Variants in ZCCHC4 observed in about 807,000 individuals in gnomAD.
The protein encoded by ZCCHC4 is zinc finger CCHC-type containing 4, also known as rRNA N(6)-adenosine-methyltransferase ZCCHC4.
Under a neutral mutation model 67.7 loss-of-function variants are expected in ZCCHC4, and 54 were observed. That is an observed-to-expected ratio of 0.80 (90% CI 0.64 to 1.00). The LOEUF is 1.00. Among genes scored for constraint, ZCCHC4 ranks in the 50% least tolerant of loss-of-function variants. The pLI, the probability that ZCCHC4 is intolerant of heterozygous loss-of-function variation, is 0.00. For missense variants in ZCCHC4, 609 were observed against 617.0 expected (o/e 0.99, Z 0.14); for synonymous variants, 198 against 213.5 (o/e 0.93, Z 0.63).
intron 3 of ZCCHC4, among the ~76,000 whole-genome samples, chr4:25,315,635 G>C (rs1337166141): frequency 6.6e-6 from 1 of 151,536 alleles, no homozygotes; most frequent in Non-Finnish European, 1.5e-5. Flanking sequence ...ACTCCAAACA[G>C]AAACTGCCAC....
At chr4:25,325,497 C>T (rs960508068) in intron 3 of ZCCHC4, among the ~76,000 whole-genome samples, 1 of 152,010 alleles carries the variant, frequency 6.6e-6, no homozygotes, top group Non-Finnish European at 1.5e-5. Flanking sequence ...CTCCTGACTT[C>T]AAGGGCTCTG....
At chr4:25,358,054 G>A (rs62409202) in intron 8 of ZCCHC4, among the ~76,000 whole-genome samples, 3,107 of 152,342 alleles carry the variant, frequency 0.02, 44 homozygotes, top group Non-Finnish European at 0.03. Context: ...GAGAATGCTT[G>A]TGGATAATAG....
chr4:25,346,108 A>G (rs1024348777), intron 6 of ZCCHC4, among the ~76,000 whole-genome samples: 1 of 152,164 alleles, frequency 6.6e-6, no homozygotes, highest in African/African-American at 2.4e-5. Flanking sequence ...CAAAGGGTCA[A>G]GTTTTCCTTT....
rs4536913 is a variant in ZCCHC4, at chr4:25,340,486, G to A, written c.687-5062G>A. Among the ~76,000 whole-genome samples the A allele has an allele frequency of 8.3e-3, 1,259 of 151,996 alleles. 22 individuals are homozygous for A. The highest frequency in any genetic ancestry group is 0.027 in the African/African-American group (1,139 of 41,448). ...GTTTTGGCTGTTCTGGGTGTCTTGC[G>A]TTTCCATATGAATGTTAGGATCAGC... On this transcript the variant is annotated intron_variant, in intron 5 of 12. Transcript: ENST00000302874.
At chr4:25,343,886 TCA>T (rs1303313661) in intron 5 of ZCCHC4, among the ~76,000 whole-genome samples, 2 of 152,198 alleles carry the variant, frequency 1.3e-5, no homozygotes, top group Non-Finnish European at 2.9e-5. Flanking sequence ...AGGATGTGTC[TCA>T]GATTTTTTTT....
At chr4:25,367,055 A>G (rs1449026334) in intron 12 of ZCCHC4, among the ~76,000 whole-genome samples, 1 of 152,060 alleles carries the variant, frequency 6.6e-6, no homozygotes, top group African/African-American at 2.4e-5. Context: ...AAGCAAAATT[A>G]TTTTTTTCTT....
At chr4:25,313,976 G>C in intron 1 of ZCCHC4, 70 bp from the exon 2 acceptor site, 1 of 967,026 alleles carries the variant, frequency 1.0e-6, no homozygotes, top group East Asian at 2.4e-5. Context: ...TAAGGGCAGC[G>C]AAAACTAAGA....
At chr4:25,345,056 G>T (rs1719940229) in intron 5 of ZCCHC4, among the ~76,000 whole-genome samples, 1 of 152,026 alleles carries the variant, frequency 6.6e-6, no homozygotes, top group African/African-American at 2.4e-5. Context: ...GCCTGCCTCA[G>T]CCTCCCAAAG....
At chr4:25,346,707 A>G (rs1720039010) in intron 6 of ZCCHC4, among the ~76,000 whole-genome samples, 1 of 152,206 alleles carries the variant, frequency 6.6e-6, no homozygotes, top group South Asian at 2.1e-4. Flanking sequence ...AGCCATTAAA[A>G]CAAGGTATTG....
intron 8 of ZCCHC4, among the ~76,000 whole-genome samples, chr4:25,356,060 C>T (rs1293354959): frequency 6.6e-6 from 1 of 152,204 alleles, no homozygotes; most frequent in African/African-American, 2.4e-5. Context: ...CTCCATTTAA[C>T]TAGTTTCAGT....
At chr4:25,333,553 A>G (rs1719297607) in intron 4 of ZCCHC4, 95 bp downstream of exon 4, 2 of 1,327,292 alleles carry the variant, frequency 1.5e-6, no homozygotes, top group Admixed American at 2.1e-5. Flanking sequence ...TGCAAGGTAT[A>G]GCATGAAGCT....
chr4:25,315,802 C>T (rs972026912), intron 3 of ZCCHC4, among the ~76,000 whole-genome samples: 2 of 151,864 alleles, frequency 1.3e-5, no homozygotes, highest in African/African-American at 2.4e-5. Flanking sequence ...TAGCCTCAAC[C>T]TCCTGGGCTC....
chr4:25,367,101 G>A (rs905971226), intron 12 of ZCCHC4, among the ~76,000 whole-genome samples: 1 of 151,906 alleles, frequency 6.6e-6, no homozygotes, highest in Non-Finnish European at 1.5e-5. Context: ...TTTAGCATAC[G>A]TGACATAAAA....
intron 3 of ZCCHC4, among the ~76,000 whole-genome samples, chr4:25,316,198 A>G (rs2109045715): frequency 6.6e-6 from 1 of 152,332 alleles, no homozygotes; most frequent in East Asian, 1.9e-4. Flanking sequence ...TTGTCTGTCT[A>G]TACCACAGTT....
chr4:25,328,818 A>T (rs1719026875), intron 3 of ZCCHC4, among the ~76,000 whole-genome samples: 1 of 152,082 alleles, frequency 6.6e-6, no homozygotes, highest in South Asian at 2.1e-4. Flanking sequence ...CCTGGGCTCA[A>T]GCGATCCTCT....
chr4:25,315,884 T>G (rs990929132), intron 3 of ZCCHC4, among the ~76,000 whole-genome samples: 1 of 152,050 alleles, frequency 6.6e-6, no homozygotes, highest in Non-Finnish European at 1.5e-5. Flanking sequence ...AGCTAATTTA[T>G]TATTATTTTT....
At chr4:25,317,704 C>CAAAAA (rs778867924) in intron 3 of ZCCHC4, among the ~76,000 whole-genome samples, 162 of 72,066 alleles carry the variant, frequency 2.2e-3, no homozygotes, top group Middle Eastern at 0.013. Flanking sequence ...GACGCTGTCA[C>CAAAAA]AAAAAAAAAA....
intron 6 of ZCCHC4, among the ~76,000 whole-genome samples, chr4:25,347,302 A>G (rs1470998172): frequency 1.3e-5 from 2 of 152,204 alleles, no homozygotes; most frequent in African/African-American, 4.8e-5. Flanking sequence ...AATTTTTTAT[A>G]TTTTTAAAGA....
At chr4:25,346,912 T>G (rs901433646) in intron 6 of ZCCHC4, among the ~76,000 whole-genome samples, 12 of 152,090 alleles carry the variant, frequency 7.9e-5, no homozygotes, top group African/African-American at 2.9e-4. Context: ...AAGAACTGGG[T>G]TGTCTAGGCA....
Sources: allele counts gnomAD v4.1 joint callset (sites outside exome capture counted in the v4.1 genomes callset), GRCh38; gene constraint gnomAD v4.1.1; transcripts MANE v1.5; gene names NCBI Gene and HGNC (gene_info 2026-07-23, HGNC 2026-07-21).